The following AGBL4 variants were observed in gnomAD, a reference collection of about 807,000 sequenced individuals.
The protein encoded by AGBL4 is cytosolic carboxypeptidase 6.
In AGBL4, 58 loss-of-function variants were observed where a neutral mutation model predicts 66.4. That is an observed-to-expected ratio of 0.87 (90% confidence interval 0.71 to 1.09). The LOEUF is 1.09. Among genes scored for constraint, AGBL4 ranks in the 50% least tolerant of loss-of-function variants. The pLI, the probability that AGBL4 is intolerant of heterozygous loss-of-function variation, is 0.00. For missense variants in AGBL4, 579 were observed against 631.0 expected (o/e 0.92, Z 0.88); for synonymous variants, 234 against 222.9 (o/e 1.05, Z -0.44).
chr1:48,574,234 G>T (rs1156526180), intron 11 of AGBL4, among the ~76,000 whole-genome samples: 1 of 152,158 alleles, frequency 6.6e-6, no homozygotes, highest in African/African-American at 2.4e-5. Flanking sequence ...ACCTGGACAG[G>T]CTTCCTCTTA....
At chr1:49,342,931 T>C (rs1645569100) in intron 3 of AGBL4, among the ~76,000 whole-genome samples, 1 of 152,220 alleles carries the variant, frequency 6.6e-6, no homozygotes. Flanking sequence ...AGGTTACCTT[T>C]GGTAAAGGTT....
At chr1:48,897,422 C>T (rs1418757466) in intron 5 of AGBL4, among the ~76,000 whole-genome samples, 4 of 152,178 alleles carry the variant, frequency 2.6e-5, no homozygotes, top group African/African-American at 9.6e-5. Flanking sequence ...CTATTGTGAA[C>T]AATGCTGCAA....
At chr1:49,782,641 T>G (rs1046053442) in intron 2 of AGBL4, among the ~76,000 whole-genome samples, 5 of 152,164 alleles carry the variant, frequency 3.3e-5, no homozygotes. Context: ...CAATGCACAG[T>G]GTTGGTAAGT....
Position 48,943,402 on chromosome 1 carries a change from T to G in AGBL4, c.595-76172A>C, listed in dbSNP as rs189250185. 1.3e-4 allele frequency among the ~76,000 whole-genome samples: 20 copies of G among 152,300 alleles called. 1 individual carries two copies. The highest frequency in any genetic ancestry group is 4.8e-4 in the African/African-American group (20 of 41,568). ...AGACACTGAGCTTCTCAGATAAAAA[T>G]GGTGGGTACATACAAAGGTTGAGAT... On this transcript the variant is annotated intron_variant, in intron 5 of 13. Coordinates refer to ENST00000371839, the MANE Select transcript of AGBL4 (RefSeq NM_032785.4).
chr1:48,840,771 G>A (rs145709618), intron 6 of AGBL4, among the ~76,000 whole-genome samples: 137 of 152,268 alleles, frequency 9.0e-4, no homozygotes, highest in African/African-American at 3.2e-3. Context: ...ATAGAGAAAT[G>A]AAAAAACTTA....
At chr1:48,733,838 T>C (rs1272118154) in intron 6 of AGBL4, among the ~76,000 whole-genome samples, 1 of 152,230 alleles carries the variant, frequency 6.6e-6, no homozygotes, top group East Asian at 1.9e-4. Context: ...CTTCGTTTAC[T>C]GAGTGCCTAC....
intron 9 of AGBL4, among the ~76,000 whole-genome samples, chr1:48,597,955 A>G (rs981420132): frequency 6.6e-6 from 1 of 152,162 alleles, no homozygotes; most frequent in Non-Finnish European, 1.5e-5. Context: ...AGAGAAAGAA[A>G]GGGAGAAAAA....
At chr1:49,535,233 A>G (rs954189220) in intron 3 of AGBL4, among the ~76,000 whole-genome samples, 4 of 151,834 alleles carry the variant, frequency 2.6e-5, no homozygotes, top group Admixed American at 2.6e-4. Context: ...GAAAGGATAT[A>G]TTAGTCAATA....
chr1:48,935,684 G>A (rs1315509887), intron 5 of AGBL4, among the ~76,000 whole-genome samples: 1 of 151,832 alleles, frequency 6.6e-6, no homozygotes, highest in Non-Finnish European at 1.5e-5. Context: ...TGGGCTGGGT[G>A]TGGTGGCTCA....
intron 4 of AGBL4, among the ~76,000 whole-genome samples, chr1:49,120,177 A>G (rs549427367): frequency 2.1e-3 from 325 of 152,284 alleles, no homozygotes; most frequent in African/African-American, 7.4e-3. Flanking sequence ...GCCCATTTAC[A>G]TTTAAGGTTA....
At chr1:49,288,457 G>A (rs164825) in intron 3 of AGBL4, among the ~76,000 whole-genome samples, 10,705 of 152,132 alleles carry the variant, frequency 0.07, 1,215 homozygotes, top group African/African-American at 0.24. Context: ...ATCTAAGCTT[G>A]GCAAAATAGG....
intron 3 of AGBL4, among the ~76,000 whole-genome samples, chr1:49,369,596 A>AG (rs1372128652): frequency 6.6e-6 from 1 of 152,108 alleles, no homozygotes; most frequent in Non-Finnish European, 1.5e-5. Flanking sequence ...GATCCTTCTG[A>AG]GTTGAGAAGA....
intron 5 of AGBL4, among the ~76,000 whole-genome samples, chr1:48,962,635 G>A (rs927047149): frequency 6.6e-6 from 1 of 152,130 alleles, no homozygotes; most frequent in Non-Finnish European, 1.5e-5. Flanking sequence ...TGGATTATTC[G>A]GGCCTTGCTA....
In AGBL4 at chr1:48,642,618, A is replaced by G. The variant is rs577076317; in HGVS notation, c.840-8014T>C. 6.6e-5 allele frequency among the ~76,000 whole-genome samples: 10 copies of G among 152,314 alleles called. No homozygotes were observed. The South Asian group carries it at 2.1e-3, about 32-fold the overall frequency. The stretch of plus-strand genomic sequence containing the variant: ...GAGGGTCTGCCAAGGTTACATGGCT[A>G]TTCAAGGGTAGAGTGGAAAGTCCAT... On this transcript the variant is annotated intron_variant, in intron 8 of 13. Coordinates refer to ENST00000371839, the MANE Select transcript of AGBL4 (RefSeq NM_032785.4).
chr1:49,015,187 T>G (rs1662720729), intron 5 of AGBL4, among the ~76,000 whole-genome samples: 1 of 151,886 alleles, frequency 6.6e-6, no homozygotes, highest in Non-Finnish European at 1.5e-5. Flanking sequence ...TGTGTTGGGG[T>G]TTTTTTGGGG....
intron 4 of AGBL4, among the ~76,000 whole-genome samples, chr1:49,148,795 A>G (rs569633457): frequency 7.4e-4 from 112 of 152,320 alleles, no homozygotes; most frequent in Non-Finnish European, 1.4e-3. Context: ...CCCCAGATGT[A>G]GAGACAATCA....
At chr1:49,713,252 A>C (rs563614056) in intron 2 of AGBL4, among the ~76,000 whole-genome samples, 1 of 152,100 alleles carries the variant, frequency 6.6e-6, no homozygotes, top group Admixed American at 6.6e-5. Flanking sequence ...TATCCTATGG[A>C]TTTCATTTTA....
chr1:48,954,919 G>A (rs546217648), intron 5 of AGBL4, among the ~76,000 whole-genome samples: 1 of 152,304 alleles, frequency 6.6e-6, no homozygotes, highest in African/African-American at 2.4e-5. Context: ...ATCAGATAAT[G>A]TATATATAGC....
Position 49,409,089 on chromosome 1 carries a change from C to A in AGBL4, c.283-163225G>T, listed in dbSNP as rs576551350. Among the ~76,000 whole-genome samples the A allele has an allele frequency of 1.5e-4, 22 of 151,628 alleles. 1 individual carries two copies. In the South Asian group the frequency reaches 4.2e-3, roughly 29 times the overall value. On this transcript the variant is annotated intron_variant, in intron 3 of 13. Transcript: ENST00000371839. ...AAATCTTTTCATTCTAAATCCCTTC[C>A]TTTCTCTGTCTTTTTCTGTCTCCCC... is the stretch of plus-strand genomic sequence containing the variant.
Sources: gnomAD v4.1 joint callset for allele counts (sites outside exome capture counted in the v4.1 genomes callset) on GRCh38, gnomAD v4.1.1 for gene constraint, MANE v1.5 for transcripts, NCBI Gene and HGNC (gene_info 2026-07-23, HGNC 2026-07-21) for gene names.